Variants in THSD4 observed in about 807,000 individuals in gnomAD.
The protein encoded by THSD4 is thrombospondin type 1 domain containing 4.
In THSD4, 69 loss-of-function variants were observed where a neutral mutation model predicts 119.0. The ratio of observed to expected loss-of-function variants is 0.58; its 90% confidence interval spans 0.48 to 0.71. THSD4 has a LOEUF of 0.71. THSD4 is among the 30% of genes least tolerant of loss of function. THSD4 has a pLI of 0.00. For missense variants in THSD4, 1,393 were observed against 1,391.1 expected (o/e 1.00, Z -0.02); for synonymous variants, 524 against 540.4 (o/e 0.97, Z 0.42).
intron 7 of THSD4, among the ~76,000 whole-genome samples, chr15:71,479,899 CAGAG>C (rs1369050470): frequency 2.0e-5 from 3 of 152,210 alleles, no homozygotes; most frequent in African/African-American, 4.8e-5. Flanking sequence ...TCTTCCCCCT[CAGAG>C]AGAAACACTG....
chr15:71,437,775 A>G (rs1264846150), intron 7 of THSD4, among the ~76,000 whole-genome samples: 1 of 152,240 alleles, frequency 6.6e-6, no homozygotes. Context: ...TTTGATAGCT[A>G]GTGGGTGGCA....
chr15:71,698,515 C>G (rs1322872391), intron 8 of THSD4, among the ~76,000 whole-genome samples: 1 of 151,590 alleles, frequency 6.6e-6, no homozygotes, highest in Admixed American at 6.6e-5. Flanking sequence ...ATCCTGATTT[C>G]AATTGAGATC....
chr15:71,434,422 G>A (rs1163293364), intron 7 of THSD4, among the ~76,000 whole-genome samples: 3 of 140,130 alleles, frequency 2.1e-5, no homozygotes, highest in African/African-American at 7.7e-5. Context: ...AACAAAAAGA[G>A]GTCAGTGGTC....
intron 6 of THSD4, among the ~76,000 whole-genome samples, chr15:71,369,437 T>C (rs1490263342): frequency 1.3e-5 from 2 of 152,226 alleles, no homozygotes; most frequent in African/African-American, 4.8e-5. Flanking sequence ...ATAGCTCTTA[T>C]TATTTTGAGA....
chr15:71,402,229 T>TAA lies in THSD4; in HGVS notation c.1016-9448_1016-9447dup, dbSNP rs200508757. Among the ~76,000 whole-genome samples the TAA allele has an allele frequency of 1.0e-2, 1,456 of 145,948 alleles. 21 individuals are homozygous for TAA. The highest frequency in any genetic ancestry group is 0.033 in the African/African-American group (1,292 of 39,684). On this transcript the variant is annotated intron_variant, in intron 6 of 17. Coordinates refer to ENST00000261862, the MANE Select transcript of THSD4 (RefSeq NM_024817.3). The stretch of plus-strand genomic sequence containing the variant: ...AACAAACCTGTTAAAGTATAATAAT[T>TAA]AAAAAAAAAAAGAAAATGAAGGTCT...
chr15:71,298,859 G>A (rs1462323301), intron 6 of THSD4, among the ~76,000 whole-genome samples: 5 of 152,126 alleles, frequency 3.3e-5, no homozygotes, highest in Non-Finnish European at 5.9e-5. Context: ...GCAATCCACC[G>A]GCCTCGGCCT....
At chr15:71,411,947 TG>T (rs1423577550) in intron 7 of THSD4, 124 bp downstream of exon 7, 5 of 1,316,202 alleles carry the variant, frequency 3.8e-6, no homozygotes, top group Non-Finnish European at 5.2e-6. Context: ...CACTCAACCA[TG>T]CGCTCTGGGA....
At chr15:71,445,885 C>T (rs1412323463) in intron 7 of THSD4, among the ~76,000 whole-genome samples, 3 of 152,230 alleles carry the variant, frequency 2.0e-5, no homozygotes, top group Non-Finnish European at 4.4e-5. Flanking sequence ...AAGCATTAAG[C>T]ATGGGACAAA....
chr15:71,726,230 C>A (rs919259327), intron 8 of THSD4, among the ~76,000 whole-genome samples: 1 of 152,214 alleles, frequency 6.6e-6, no homozygotes, highest in Non-Finnish European at 1.5e-5. Flanking sequence ...GCCCTCCCTG[C>A]AGCCATGGCA....
At chr15:71,221,098 G>C (rs1188027854) in intron 4 of THSD4, among the ~76,000 whole-genome samples, 2 of 152,288 alleles carry the variant, frequency 1.3e-5, no homozygotes, top group East Asian at 3.9e-4. Context: ...GTCCTGCAAA[G>C]CATGCCGCAT....
chr15:71,339,439 A>C (rs149116286), intron 6 of THSD4, among the ~76,000 whole-genome samples: 1 of 152,222 alleles, frequency 6.6e-6, no homozygotes, highest in African/African-American at 2.4e-5. Flanking sequence ...TGTCCCATGA[A>C]GCTGATCACA....
intron 10 of THSD4, chr15:71,733,530 T>C (rs1325718016): frequency 2.6e-5 from 4 of 152,202 alleles, no homozygotes; most frequent in African/African-American, 9.7e-5. Flanking sequence ...TTCTCATTTA[T>C]GTCAACATGC....
intron 6 of THSD4, among the ~76,000 whole-genome samples, chr15:71,297,315 C>CTTTTTTTTTTTTTTTTTTTT (rs772196153): frequency 4.4e-5 from 6 of 137,636 alleles, no homozygotes; most frequent in Non-Finnish European, 7.8e-5. Flanking sequence ...CTCTCCTCTT[C>CTTTTTTTTTTTTTTTTTTTT]TTTTTTTTGT....
intron 8 of THSD4, among the ~76,000 whole-genome samples, chr15:71,668,511 G>GA (rs2051459529): frequency 6.6e-6 from 1 of 152,026 alleles, no homozygotes; most frequent in Non-Finnish European, 1.5e-5. Flanking sequence ...GGAAAGAAGT[G>GA]AAAAAACCTG....
At chr15:71,679,900 G>T (rs1434571270) in intron 8 of THSD4, among the ~76,000 whole-genome samples, 2 of 152,174 alleles carry the variant, frequency 1.3e-5, no homozygotes, top group Non-Finnish European at 2.9e-5. Flanking sequence ...CTATGTCAGT[G>T]GGCTCTGTGA....
chr15:71,674,255 TACA>T (rs1198016950), intron 8 of THSD4, among the ~76,000 whole-genome samples: 1 of 152,206 alleles, frequency 6.6e-6, no homozygotes, highest in Non-Finnish European at 1.5e-5. Flanking sequence ...GTCTTCCATT[TACA>T]GTCCAGCTCT....
intron 6 of THSD4, among the ~76,000 whole-genome samples, chr15:71,319,918 C>T (rs2045244732): frequency 6.6e-6 from 1 of 152,156 alleles, no homozygotes; most frequent in Non-Finnish European, 1.5e-5. Context: ...GTTCTCAGAG[C>T]TCTTACTGTA....
intron 7 of THSD4, among the ~76,000 whole-genome samples, chr15:71,479,415 G>T (rs2047696250): frequency 6.6e-6 from 1 of 152,056 alleles, no homozygotes; most frequent in South Asian, 2.1e-4. Context: ...TTTTACTAGA[G>T]TCTGCAGTTT....
intron 9 of THSD4, chr15:71,730,158 A>C (rs1350515429): frequency 1.3e-5 from 2 of 152,282 alleles, no homozygotes; most frequent in African/African-American, 4.8e-5. Flanking sequence ...ACATGATTCT[A>C]ACCTCTTCCT....
Sources: allele counts gnomAD v4.1 joint callset (sites outside exome capture counted in the v4.1 genomes callset), GRCh38; gene constraint gnomAD v4.1.1; transcripts MANE v1.5; gene names NCBI Gene and HGNC (gene_info 2026-07-23, HGNC 2026-07-21).